Variants in ZNF503 observed in about 807,000 individuals in gnomAD.
The protein encoded by ZNF503 is NocA-like zinc finger 2.
A neutral mutation model predicts 34.4 loss-of-function variants in ZNF503; 15 were observed. The observed-to-expected ratio is 0.44, with a 90% CI of 0.29 to 0.67. The LOEUF (loss-of-function observed/expected upper bound fraction) is 0.67. Ranked by LOEUF, ZNF503 falls within the 30% of genes least tolerant of loss-of-function variation. The probability of loss-of-function intolerance (pLI) is 0.13; values close to 1 mark genes in which losing one functional copy is unlikely to be tolerated. For missense variants in ZNF503, 1,007 were observed against 926.8 expected (o/e 1.09, Z -1.12); for synonymous variants, 580 against 456.8 (o/e 1.27, Z -3.44).
At chr10:75,313,792 A>G in the ZNF503 span, among the ~76,000 whole-genome samples, 1 of 152,232 alleles carries the variant, frequency 6.6e-6, no homozygotes, top group Admixed American at 6.5e-5. Context: ...AGGGACATGA[A>G]CTTGAGCATT....
the ZNF503 span, among the ~76,000 whole-genome samples, chr10:75,346,805 G>T: frequency 4.4e-5 from 4 of 90,118 alleles, no homozygotes; most frequent in East Asian, 7.7e-4. Flanking sequence ...TTATTAAAAA[G>T]AATTTTTTTT....
In ZNF503 at chr10:75,401,399, A is replaced by G; in HGVS notation, c.21T>C (p.Leu7=). The G allele has an allele frequency of 1.3e-6, 2 of 1,538,690 alleles. No individual in the cohort carries two copies. The highest frequency in any genetic ancestry group is 1.7e-6 in the Non-Finnish European group (2 of 1,146,380). MSTAPS[L]SALRSSKHSG... ...TGTGCTTACTGCTTCTTAGGGCAGA[A>G]AGCGAGGGCGCTGTGCTCATGACCC... The change falls in exon 1 of 2, where the codon CTT becomes CTC. Residue 7 remains leucine (L), a synonymous_variant. Transcript: ENST00000372524.
At chr10:75,366,147 A>C in the ZNF503 span, among the ~76,000 whole-genome samples, 1 of 152,228 alleles carries the variant, frequency 6.6e-6, no homozygotes, top group Non-Finnish European at 1.5e-5. Flanking sequence ...TTGATCAGAG[A>C]ACATCGTGCT....
chr10:75,287,509 G>A, the ZNF503 span, among the ~76,000 whole-genome samples: 1 of 152,086 alleles, frequency 6.6e-6, no homozygotes, highest in Non-Finnish European at 1.5e-5. Flanking sequence ...CTCCTGGGCT[G>A]TCTTTCCATT....
the ZNF503 span, among the ~76,000 whole-genome samples, chr10:75,309,458 C>T: frequency 6.6e-6 from 1 of 152,194 alleles, no homozygotes; most frequent in Admixed American, 6.5e-5. Context: ...CTTCAACAAC[C>T]ACTACCTTGA....
Position 75,398,854 on chromosome 10 carries a change from C to A in ZNF503, c.1836G>T (p.Thr612=), listed in dbSNP as rs377659190. The A allele has an allele frequency of 5.3e-6, 8 of 1,508,578 alleles. No homozygotes were observed. Among genetic ancestry groups the A allele is most frequent in the Middle Eastern group, 1.8e-4 (1 of 5,592 alleles). The allele number at this position is 1,508,578 out of a possible 1,614,324, so 93.4% of individuals were successfully genotyped here. ...CGGGCACCGGCACGGGGGCGCCAGGCGTGGGAAGCGGGCTCTTGGAGTAGG... is the reference window on the plus strand; with the variant it reads ...CGGGCACCGGCACGGGGGCGCCAGGAGTGGGAAGCGGGCTCTTGGAGTAGG... ...YHPYSKSPLP[T]PGAPVPVPAA... The change falls in exon 2 of 2, where the codon ACG becomes ACT. Residue 612 remains threonine (T), a synonymous_variant. Transcript: ENST00000372524.
chr10:75,361,438 T>C, the ZNF503 span: 6 of 152,314 alleles, frequency 3.9e-5, no homozygotes, highest in African/African-American at 1.4e-4. Flanking sequence ...TTCAAGCCAT[T>C]CAGAAACCAA....
the ZNF503 span, among the ~76,000 whole-genome samples, chr10:75,355,012 T>C: frequency 6.6e-6 from 1 of 152,094 alleles, no homozygotes; most frequent in African/African-American, 2.4e-5. Context: ...CTAACTTTTT[T>C]TTTTGTATTT....
chr10:75,324,852 TCTA>T, the ZNF503 span, among the ~76,000 whole-genome samples: 1 of 152,218 alleles, frequency 6.6e-6, no homozygotes, highest in Non-Finnish European at 1.5e-5. Context: ...CAACTATTAA[TCTA>T]CTTTTTGTCT....
chr10:75,392,199 T>G, the ZNF503 span, among the ~76,000 whole-genome samples: 2 of 152,222 alleles, frequency 1.3e-5, no homozygotes, highest in Non-Finnish European at 2.9e-5. Context: ...GTGCAGTTCA[T>G]GCTACTTTTT....
At chr10:75,351,927 G>A in the ZNF503 span, among the ~76,000 whole-genome samples, 1 of 152,086 alleles carries the variant, frequency 6.6e-6, no homozygotes, top group Non-Finnish European at 1.5e-5. Context: ...CACCTCCCAG[G>A]ATTATGAGTT....
chr10:75,342,905 C>G, the ZNF503 span, among the ~76,000 whole-genome samples: 1 of 152,198 alleles, frequency 6.6e-6, no homozygotes. Context: ...ATGTATAAGA[C>G]TAAAGACAAA....
At chr10:75,295,345 C>G in the ZNF503 span, among the ~76,000 whole-genome samples, 13 of 152,174 alleles carry the variant, frequency 8.5e-5, no homozygotes, top group South Asian at 1.5e-3. This position sits in a 1 kb window ranked among gnomAD's most constrained non-coding sequence, Gnocchi z 4.0. Flanking sequence ...AAAGTTGTGC[C>G]GCAGACCCAG....
At chr10:75,354,660 T>C in the ZNF503 span, among the ~76,000 whole-genome samples, 1 of 152,140 alleles carries the variant, frequency 6.6e-6, no homozygotes, top group Non-Finnish European at 1.5e-5. Context: ...CAGTAAGTTA[T>C]GATCATGCCA....
At chr10:75,401,799 A>C (rs984290844), upstream of ZNF503, 1 of 246,834 alleles carries the variant, frequency 4.1e-6, no homozygotes, top group Non-Finnish European at 7.7e-6. Context: ...AGCTGCACCA[A>C]GGGGGAGATT....
At chr10:75,299,763 C>T in the ZNF503 span, among the ~76,000 whole-genome samples, 1 of 152,188 alleles carries the variant, frequency 6.6e-6, no homozygotes, top group Non-Finnish European at 1.5e-5. Flanking sequence ...GCCTGCCGAG[C>T]CGTGAAACCA....
chr10:75,354,836 T>TTTTTG, the ZNF503 span, among the ~76,000 whole-genome samples: 3 of 151,724 alleles, frequency 2.0e-5, no homozygotes, highest in East Asian at 1.9e-4. Flanking sequence ...CTGTGCTTCA[T>TTTTTG]TTTTGTTTTG....
chr10:75,286,616 G>A, the ZNF503 span, among the ~76,000 whole-genome samples: 7 of 152,198 alleles, frequency 4.6e-5, no homozygotes, highest in South Asian at 2.1e-4. Context: ...GTACCTGCTC[G>A]TATGGGTGCT....
At chr10:75,380,190 A>G in the ZNF503 span, among the ~76,000 whole-genome samples, 1 of 152,226 alleles carries the variant, frequency 6.6e-6, no homozygotes, top group Non-Finnish European at 1.5e-5. Flanking sequence ...AAGACTGCGG[A>G]GGCAGATTTA....
Sources: allele counts gnomAD v4.1 joint callset (sites outside exome capture counted in the v4.1 genomes callset), GRCh38; gene constraint gnomAD v4.1.1; non-coding constraint Gnocchi (gnomAD v3.1); transcripts MANE v1.5; gene names NCBI Gene and HGNC (gene_info 2026-07-23, HGNC 2026-07-21).